KLHL38: variants seen among roughly 807,000 people sequenced by gnomAD.
KLHL38 encodes kelch like family member 38, also known as kelch-like protein 38.
In KLHL38, 38 loss-of-function variants were observed where a neutral mutation model predicts 39.6. That is an observed-to-expected ratio of 0.96 (90% CI 0.74 to 1.26). The LOEUF (loss-of-function observed/expected upper bound fraction) is 1.26. Ranked by LOEUF, KLHL38 falls within the 50% of genes most tolerant of loss-of-function variation. KLHL38 has a pLI of 0.00. For missense variants in KLHL38, 803 were observed against 748.1 expected (o/e 1.07, Z -0.86); for synonymous variants, 322 against 302.2 (o/e 1.07, Z -0.68).
At position 123,645,926 on chromosome 8, in the gene KLHL38, C is replaced by T. The variant is rs1255588450; in HGVS notation, c.1559G>A (p.Gly520Glu). ...RRMHHGATVMGNKLYVTGGRR... is the reference protein window; with the variant it reads ...RRMHHGATVMENKLYVTGGRR... ...CCCGCCCGTCACGTAGAGTTTGTTT[C>T]CCATCACTGTGGCCCCATGGTGCAT... Residue 520 changes from glycine (G) to glutamate (E), a missense_variant, in exon 4 of 4, where the codon GGA (glycine) becomes GAA (glutamate). Coordinates refer to ENST00000684634, the MANE Select transcript of KLHL38 (RefSeq NM_001081675.3). 6.2e-7 allele frequency: 1 copy of T among 1,614,152 alleles called. No homozygotes were observed. Among genetic ancestry groups the T allele is most frequent in the East Asian group, 2.2e-5 (1 of 44,882 alleles).
At chr8:123,647,475 C>T (rs540334765) in intron 2 of KLHL38, among the ~76,000 whole-genome samples, 17 of 152,126 alleles carry the variant, frequency 1.1e-4, no homozygotes, top group South Asian at 6.2e-4. Context: ...GTTTTTGAAC[C>T]GTTCATGCCC....
At chr8:123,650,321 TA>T (rs1046295273) in intron 2 of KLHL38, among the ~76,000 whole-genome samples, 20 of 151,956 alleles carry the variant, frequency 1.3e-4, no homozygotes, top group African/African-American at 4.4e-4. Context: ...AAAAAATCGC[TA>T]AAAAAAATCT....
intron 1 of KLHL38, among the ~76,000 whole-genome samples, chr8:123,653,316 G>A (rs1310435075): frequency 6.6e-6 from 1 of 152,132 alleles, no homozygotes; most frequent in Non-Finnish European, 1.5e-5. Flanking sequence ...CAGATCGATG[G>A]CATATCTGTT....
intron 2 of KLHL38, among the ~76,000 whole-genome samples, chr8:123,649,531 G>A (rs1186786298): frequency 6.6e-6 from 1 of 152,130 alleles, no homozygotes; most frequent in Non-Finnish European, 1.5e-5. Context: ...TCTCTACAAG[G>A]CATCCAGATG....
rs1199429987 is a variant in KLHL38 at position 123,645,762 on chromosome 8, G to A, written c.1723C>T (p.Pro575Ser). The A allele has an allele frequency of 6.8e-6, 11 of 1,613,908 alleles. No individual in the cohort carries two copies. The highest frequency in any genetic ancestry group is 1.3e-5 in the African/African-American group (1 of 74,874). Residue 575 changes from proline to serine, a missense_variant, in exon 4 of 4, where the codon CCC becomes TCC. By Grantham distance (74) the Pro-to-Ser change is moderately conservative. Coordinates refer to ENST00000684634, the MANE Select transcript of KLHL38 (RefSeq NM_001081675.3). ...CCTCATGGGAGGCCAGACGTGCGGG[G>A]TATGCACTGGAGAGTGAGGCAGGCA... ...DHACLTLQCIPRTSGLP is the reference protein window; with the variant it reads ...DHACLTLQCISRTSGLP
rs1181552581 is a variant in KLHL38 at position 123,645,447 on chromosome 8, AAAAGAGAGAG to A, written c.*282_*291del. 3.1e-5 allele frequency: 10 copies of A among 325,802 alleles called. No homozygotes were observed. In the African/African-American group the frequency reaches 3.4e-4, roughly 11 times the overall value. 20.2% of individuals were successfully genotyped at this position (325,802 alleles called of 1,614,324 possible). On this transcript the variant is annotated 3_prime_UTR_variant, in exon 4 of 4. Transcript: ENST00000684634. ...GTGAAACTCCATCTCAAAAAAAAGA[AAAAGAGAGAG>A]AGAGAGAGAGAGAGAGAGAGAGACA... is the stretch of plus-strand genomic sequence containing the variant.
rs552770867 is a variant in KLHL38, at chr8:123,645,379, G to A, written c.*360C>T. 1 of 230,328 alleles carries A rather than the reference G, an allele frequency of 4.3e-6. No individual in the cohort carries two copies. Among genetic ancestry groups the A allele is most frequent in the East Asian group, 9.1e-5 (1 of 10,954 alleles). 14.3% of individuals were successfully genotyped at this position (230,328 alleles called of 1,614,324 possible). A position where few individuals can be genotyped will look rare whatever the true frequency, so the allele number is the denominator to read the frequency against. The stretch of plus-strand genomic sequence containing the variant: ...TTGAACCTGGGAGGTGGGGGTTTCA[G>A]TGAGCTGAGATAGCACCACTGCACT... On this transcript the variant is annotated 3_prime_UTR_variant, in exon 4 of 4. Transcript: ENST00000684634.
rs934938485 is a variant in KLHL38 at position 123,645,475 on chromosome 8, G to C, written c.*264C>G. On this transcript the variant is annotated 3_prime_UTR_variant, in exon 4 of 4. Transcript: ENST00000684634. ...AGAGAGAGAGAGAGAGAGAGAGAGAGAGAGACAGACAGAGATAGGGGAGAG... is the reference window on the plus strand; with the variant it reads ...AGAGAGAGAGAGAGAGAGAGAGAGACAGAGACAGACAGAGATAGGGGAGAG... 3 of 504,848 alleles carry C rather than the reference G, an allele frequency of 5.9e-6. No homozygotes were observed. Among genetic ancestry groups the C allele is most frequent in the African/African-American group, 4.1e-5 (2 of 48,676 alleles). The allele number at this position is 504,848 out of a possible 1,614,324, so 31.3% of individuals were successfully genotyped here.
chr8:123,653,466 C>G (rs1812695427), intron 1 of KLHL38, among the ~76,000 whole-genome samples, 120 bp downstream of exon 1: 1 of 152,086 alleles, frequency 6.6e-6, no homozygotes, highest in Non-Finnish European at 1.5e-5. Context: ...TTAAATATGA[C>G]TTCATTGAGT....
chr8:123,646,927 G>A lies in KLHL38; in HGVS notation c.1438C>T (p.Arg480Trp), dbSNP rs773078118. The A allele has an allele frequency of 9.3e-6, 15 of 1,611,642 alleles. No homozygotes were observed. Among genetic ancestry groups the A allele is most frequent in the East Asian group, 6.7e-5 (3 of 44,874 alleles). Residue 480 changes from arginine to tryptophan, a missense_variant, in exon 3 of 4, where the codon CGG (arginine) becomes TGG (tryptophan). By Grantham distance (101) the Arg-to-Trp change is moderately radical. Coordinates refer to ENST00000684634, the MANE Select transcript of KLHL38 (RefSeq NM_001081675.3). Reference protein sequence around the residue: ...VCAPAVVLGERIVIVGGYTRR... With the variant: ...VCAPAVVLGEWIVIVGGYTRR... ...GACTCACCTCCCACAATGACAATCC[G>A]CTCCCCAAGCACCACTGCAGGGGCA...
In KLHL38 at chr8:123,652,794, T is replaced by A; in HGVS notation, c.133A>T (p.Ile45Phe). 6.2e-7 allele frequency: 1 copy of A among 1,613,924 alleles called. No individual in the cohort carries two copies. The highest frequency in any genetic ancestry group is 8.5e-7 in the Non-Finnish European group (1 of 1,180,016). ...GCCAGCACGTTGCGGTGGCAGGGGATCTCCCGGGCACCGGCACAGATGCTC... is the reference window on the plus strand; with the variant it reads ...GCCAGCACGTTGCGGTGGCAGGGGAACTCCCGGGCACCGGCACAGATGCTC... The part of the protein sequence containing the change: ...DVSICAGARE[I>F]PCHRNVLASS... The change falls in exon 2 of 4, where the codon ATC (isoleucine) becomes TTC (phenylalanine). Residue 45 changes from isoleucine (I) to phenylalanine (F), a missense_variant. Ile to Phe is a conservative substitution (Grantham distance 21, BLOSUM62 0). Coordinates refer to ENST00000684634, the MANE Select transcript of KLHL38 (RefSeq NM_001081675.3).
At chr8:123,649,735 G>A (rs931959547) in intron 2 of KLHL38, among the ~76,000 whole-genome samples, 61 of 152,288 alleles carry the variant, frequency 4.0e-4, no homozygotes, top group Admixed American at 7.8e-4. Context: ...CAGGGGTTGC[G>A]ATGTGGGCGG....
chr8:123,651,348 A>G (rs1468750421), intron 2 of KLHL38, among the ~76,000 whole-genome samples: 1 of 151,126 alleles, frequency 6.6e-6, no homozygotes, highest in African/African-American at 2.5e-5. Context: ...ATCTGCATAT[A>G]TGTGTGCATA....
At position 123,651,809 on chromosome 8, in the gene KLHL38, CG is replaced by C; in HGVS notation, c.1117del (p.Arg373AlafsTer56). On this transcript the variant is annotated frameshift_variant, in exon 2 of 4. Coordinates refer to ENST00000684634, the MANE Select transcript of KLHL38 (RefSeq NM_001081675.3). LOFTEE classifies it high-confidence loss of function. ...WRLGEPMLVA[R>X]YSHRSTAHKN... The stretch of plus-strand genomic sequence containing the variant: ...ATGGGCAGTGCTTCTGTGGGAGTAG[CG>C]GGCCACCAGCATGGGCTCCCCCAGC... The C allele has an allele frequency of 6.2e-7, 1 of 1,614,110 alleles. No homozygotes were observed. Among genetic ancestry groups the C allele is most frequent in the Non-Finnish European group, 8.5e-7 (1 of 1,180,036 alleles).
chr8:123,652,425 C>T lies in KLHL38; in HGVS notation c.502G>A (p.Ala168Thr), dbSNP rs781057716. 36 of 1,614,146 alleles carry T rather than the reference C, an allele frequency of 2.2e-5. No individual in the cohort carries two copies. The highest frequency in any genetic ancestry group is 3.0e-5 in the Non-Finnish European group (35 of 1,180,042). Reference sequence around the variant, plus strand: ...CAGAGCTCCTTCAGGTCGGCCGATGCGGCCACCTCTGGGAAGGACGTCAGT... The same window carrying T: ...CAGAGCTCCTTCAGGTCGGCCGATGTGGCCACCTCTGGGAAGGACGTCAGT... ...VALTSFPEVAASADLKELCAL... is the reference protein window; with the variant it reads ...VALTSFPEVATSADLKELCAL... Residue 168 changes from alanine to threonine, a missense_variant, in exon 2 of 4, where the codon GCA becomes ACA. By Grantham distance (58) the Ala-to-Thr change is moderately conservative. Coordinates refer to ENST00000684634, the MANE Select transcript of KLHL38 (RefSeq NM_001081675.3).
intron 2 of KLHL38, among the ~76,000 whole-genome samples, chr8:123,650,782 G>A (rs548260783): frequency 4.7e-4 from 71 of 152,158 alleles, no homozygotes; most frequent in African/African-American, 1.6e-3. Flanking sequence ...AGTCTCCTGG[G>A]GACTTTTGTA....
rs773127707 is a variant in KLHL38, at chr8:123,652,917, C to T, written c.10G>A (p.Glu4Lys). 4 of 1,590,692 alleles carry T rather than the reference C, an allele frequency of 2.5e-6. No homozygotes were observed. The change falls in exon 2 of 4, where the codon GAG becomes AAG. Residue 4 changes from glutamate (E) to lysine (K), a missense_variant. Coordinates refer to ENST00000684634, the MANE Select transcript of KLHL38 (RefSeq NM_001081675.3). MDEESLDGLLFKDH... is the reference protein window; with the variant it reads MDEKSLDGLLFKDH... ...TTGAAGAGCAGCCCATCTAGTGACT[C>T]CTCGTCCATCCTACAAAGAGGGAAG...
intron 3 of KLHL38, among the ~76,000 whole-genome samples, chr8:123,646,525 C>A (rs545793642): frequency 1.3e-5 from 2 of 152,232 alleles, no homozygotes; most frequent in Non-Finnish European, 2.9e-5. Flanking sequence ...TTCCATCTGA[C>A]CCCAATACCA....
chr8:123,648,924 A>G (rs1213394966), intron 2 of KLHL38, among the ~76,000 whole-genome samples: 1 of 152,228 alleles, frequency 6.6e-6, no homozygotes, highest in Non-Finnish European at 1.5e-5. Flanking sequence ...TTCATTTTAA[A>G]CTATATTCGA....
Sources: allele counts gnomAD v4.1 joint callset (sites outside exome capture counted in the v4.1 genomes callset), GRCh38; gene constraint gnomAD v4.1.1; transcripts MANE v1.5; gene names NCBI Gene and HGNC (gene_info 2026-07-23, HGNC 2026-07-21).